NBEAL1: variants seen among roughly 807,000 people sequenced by gnomAD.
The protein encoded by NBEAL1 is neurobeachin like 1.
NBEAL1 carries 273 observed loss-of-function variants against 351.3 expected under a neutral mutation model. The observed-to-expected ratio is 0.78, with a 90% CI of 0.70 to 0.86. The LOEUF is 0.86. Among genes scored for constraint, NBEAL1 ranks in the 40% least tolerant of loss-of-function variants. The probability of loss-of-function intolerance (pLI) is 0.00; values close to 1 mark genes in which losing one functional copy is unlikely to be tolerated. For missense variants in NBEAL1, 2,961 were observed against 3,201.3 expected (o/e 0.92, Z 1.81); for synonymous variants, 1,050 against 1,086.4 (o/e 0.97, Z 0.66).
chr2:203,135,586 TAC>T, intron 27 of NBEAL1, 89 bp from the exon 28 acceptor site: 2 of 775,128 alleles, frequency 2.6e-6, no homozygotes, highest in Middle Eastern at 3.3e-4. Context: ...CTCATTAAAT[TAC>T]CTTATCATTA....
At chr2:203,171,751 C>CT (rs1215890814) in intron 39 of NBEAL1, among the ~76,000 whole-genome samples, 177 bp from the exon 40 acceptor site, 1 of 147,558 alleles carries the variant, frequency 6.8e-6, no homozygotes, top group Non-Finnish European at 1.5e-5. Flanking sequence ...TTTTCTGTTC[C>CT]TTTTTTAGAG....
chr2:203,189,742 C>T (rs1270872501), intron 45 of NBEAL1, among the ~76,000 whole-genome samples: 1 of 151,896 alleles, frequency 6.6e-6, no homozygotes, highest in African/African-American at 2.4e-5. Flanking sequence ...AATATTTTAG[C>T]TAATTTTTAT....
At chr2:203,212,778 G>T (rs2065822544) in intron 54 of NBEAL1, among the ~76,000 whole-genome samples, 1 of 152,100 alleles carries the variant, frequency 6.6e-6, no homozygotes, top group Non-Finnish European at 1.5e-5. Flanking sequence ...AGGATTAGTA[G>T]GAATTAAATG....
rs1037077293 is a variant in NBEAL1 at position 203,193,820 on chromosome 2, C to G, written c.6947C>G (p.Ala2316Gly). ...LKEPHPPRLS[A>G]EEAVQKPTKI... ...GAACCACACCCTCCAAGATTATCAG[C>G]AGAAGAAGCAGTGCAGAAGCCAACC... is the stretch of plus-strand genomic sequence containing the variant. The change falls in exon 47 of 56, where the codon GCA (alanine) becomes GGA (glycine). Residue 2316 changes from alanine to glycine, a missense_variant. Transcript: ENST00000683969. 3.1e-6 allele frequency: 5 copies of G among 1,611,394 alleles called. No individual in the cohort carries two copies. Among genetic ancestry groups the G allele is most frequent in the Non-Finnish European group, 4.2e-6 (5 of 1,178,562 alleles).
At chr2:203,170,929 A>G (rs763167248) in intron 39 of NBEAL1, among the ~76,000 whole-genome samples, 2 of 152,194 alleles carry the variant, frequency 1.3e-5, no homozygotes, top group Non-Finnish European at 2.9e-5. Context: ...ACTTATGAAA[A>G]TTTCAATTTG....
At chr2:203,195,567 G>A (rs772472455) in intron 47 of NBEAL1, among the ~76,000 whole-genome samples, 4 of 152,142 alleles carry the variant, frequency 2.6e-5, no homozygotes, top group African/African-American at 4.8e-5. Flanking sequence ...AAAGACTCAC[G>A]GAATTTAACA....
At chr2:203,122,395 T>C in intron 19 of NBEAL1, 52 bp downstream of exon 19, 2 of 1,140,438 alleles carry the variant, frequency 1.8e-6, no homozygotes, top group Non-Finnish European at 2.5e-6. Flanking sequence ...ACTGATACTC[T>C]TATTAAGGAT....
chr2:203,014,699 G>A (rs762057684), upstream of NBEAL1: 2 of 152,280 alleles, frequency 1.3e-5, no homozygotes, highest in African/African-American at 2.4e-5. Context: ...TGTCGACTGC[G>A]GCTGCGCAGG....
chr2:203,206,478 C>G (rs1314110125), intron 51 of NBEAL1, among the ~76,000 whole-genome samples: 1 of 152,204 alleles, frequency 6.6e-6, no homozygotes, highest in East Asian at 1.9e-4. Flanking sequence ...CAAAGCTGGA[C>G]TGTACTGCTG....
At chr2:203,116,240 A>G (rs1299175519) in intron 18 of NBEAL1, among the ~76,000 whole-genome samples, 170 bp downstream of exon 18, 1 of 152,188 alleles carries the variant, frequency 6.6e-6, no homozygotes, top group Non-Finnish European at 1.5e-5. Flanking sequence ...AAATTAAGGT[A>G]TACCTCCTCC....
In NBEAL1 at chr2:203,194,650, A is replaced by G. The variant is rs183279765; in HGVS notation, c.7038+739A>G. 2.6e-3 allele frequency among the ~76,000 whole-genome samples: 390 copies of G among 152,322 alleles called. 1 individual carries two copies. The highest frequency in any genetic ancestry group is 8.8e-3 in the African/African-American group (366 of 41,576). ...GCTTTGCAGGCCAAAAGGCAAACTC[A>G]AAGATATTCTGTAGATACATATATA... On this transcript the variant is annotated intron_variant, in intron 47 of 55. Coordinates refer to ENST00000683969, the MANE Select transcript of NBEAL1 (RefSeq NM_001378026.1).
In NBEAL1 at chr2:203,130,236, A is replaced by G. The variant is rs1457268788; in HGVS notation, c.3406-82A>G. ...TAAAACATTATATAGGATTTAATTA[A>G]ATAACTTTTGTGGCTTATGACCTTA... On this transcript the variant is annotated intron_variant, in intron 24 of 55. Coordinates refer to ENST00000683969, the MANE Select transcript of NBEAL1 (RefSeq NM_001378026.1). The G allele has an allele frequency of 2.4e-6, 3 of 1,270,778 alleles. No individual in the cohort carries two copies. The East Asian group carries it at 8.9e-5, about 38-fold the overall frequency. 78.7% of individuals were successfully genotyped at this position (1,270,778 alleles called of 1,614,324 possible). A position where few individuals can be genotyped will look rare whatever the true frequency, so the allele number is the denominator to read the frequency against.
intron 35 of NBEAL1, among the ~76,000 whole-genome samples, chr2:203,154,471 T>A (rs923266762): frequency 4.6e-5 from 7 of 152,166 alleles, no homozygotes; most frequent in Admixed American, 3.9e-4. Flanking sequence ...AATTCATGGT[T>A]TTCTTTTTTT....
intron 5 of NBEAL1, 134 bp from the exon 6 acceptor site, chr2:203,057,192 G>A (rs2061418557): frequency 1.6e-6 from 1 of 614,394 alleles, no homozygotes; most frequent in South Asian, 2.9e-5. Flanking sequence ...TAAAATCTTA[G>A]TGGCTGTATC....
chr2:203,078,829 A>G (rs1172778848), intron 8 of NBEAL1, among the ~76,000 whole-genome samples: 1 of 152,216 alleles, frequency 6.6e-6, no homozygotes, highest in Non-Finnish European at 1.5e-5. Flanking sequence ...AAATGCCTGA[A>G]ATAAAGGAAA....
In NBEAL1 at chr2:203,201,691, A is replaced by G; in HGVS notation, c.7387A>G (p.Ile2463Val). Residue 2463 changes from isoleucine to valine, a missense_variant, in exon 50 of 56, where the codon ATC becomes GTC. Coordinates refer to ENST00000683969, the MANE Select transcript of NBEAL1 (RefSeq NM_001378026.1). Reference protein sequence around the residue: ...QVMSLTKGKIISHIIRHMDIV... With the variant: ...QVMSLTKGKIVSHIIRHMDIV... ...GATGTCACTTACAAAAGGCAAAATT[A>G]TCTCACACATCATCCGGCATATGGG... 2 of 1,603,366 alleles carry G rather than the reference A, an allele frequency of 1.2e-6. No individual in the cohort carries two copies. Among genetic ancestry groups the G allele is most frequent in the Non-Finnish European group, 1.7e-6 (2 of 1,174,134 alleles).
intron 2 of NBEAL1, among the ~76,000 whole-genome samples, chr2:203,025,995 C>A (rs1375480597): frequency 1.3e-5 from 2 of 152,074 alleles, no homozygotes; most frequent in African/African-American, 2.4e-5. Context: ...GTTAGGAAGT[C>A]CCCTACAGAA....
chr2:203,196,841 G>C (rs1490197298), intron 47 of NBEAL1, among the ~76,000 whole-genome samples: 1 of 152,162 alleles, frequency 6.6e-6, no homozygotes, highest in East Asian at 1.9e-4. Flanking sequence ...TGGTCCTACT[G>C]TGGCTTTCAG....
chr2:203,133,748 A>G (rs908884379), intron 27 of NBEAL1, among the ~76,000 whole-genome samples: 1 of 150,932 alleles, frequency 6.6e-6, no homozygotes, highest in African/African-American at 2.4e-5. Context: ...AGAGATCTCT[A>G]TATATAGAGT....
Sources: allele counts gnomAD v4.1 joint callset (sites outside exome capture counted in the v4.1 genomes callset), GRCh38; gene constraint gnomAD v4.1.1; transcripts MANE v1.5; gene names NCBI Gene and HGNC (gene_info 2026-07-23, HGNC 2026-07-21).